DPP6: variants seen among roughly 807,000 people sequenced by gnomAD.
The protein encoded by DPP6 is A-type potassium channel modulatory protein DPP6.
Under a neutral mutation model 122.6 loss-of-function variants are expected in DPP6, and 69 were observed. The observed-to-expected ratio is 0.56, with a 90% CI of 0.46 to 0.69. The LOEUF (loss-of-function observed/expected upper bound fraction) is 0.69. Ranked by LOEUF, DPP6 falls within the 30% of genes least tolerant of loss-of-function variation. The pLI is 0.00. For missense variants in DPP6, 928 were observed against 1,116.9 expected (o/e 0.83, Z 2.41); for synonymous variants, 418 against 433.1 (o/e 0.97, Z 0.43).
At chr7:154,516,544 A>G (rs985255540) in intron 3 of DPP6, among the ~76,000 whole-genome samples, 6 of 152,218 alleles carry the variant, frequency 3.9e-5, no homozygotes, top group Admixed American at 3.3e-4. Flanking sequence ...ACGAAAGAGG[A>G]AAACAACCAG....
intron 16 of DPP6, among the ~76,000 whole-genome samples, chr7:154,846,303 C>T (rs1329275889): frequency 6.6e-6 from 1 of 151,958 alleles, no homozygotes; most frequent in Non-Finnish European, 1.5e-5. Context: ...TTTTCTCCCC[C>T]TTCATCGTGC....
At chr7:154,043,291 T>C (rs1336232411) in intron 1 of DPP6, among the ~76,000 whole-genome samples, 1 of 149,350 alleles carries the variant, frequency 6.7e-6, no homozygotes, top group African/African-American at 2.5e-5. Flanking sequence ...TACTTGGGAG[T>C]CTGAGGCAGG....
chr7:153,884,088 G>A (rs1798829346), upstream of DPP6, among the ~76,000 whole-genome samples: 1 of 152,080 alleles, frequency 6.6e-6, no homozygotes. Flanking sequence ...GTACACATGT[G>A]CCATGTTGGT....
chr7:154,006,099 G>A (rs1368772333), intron 1 of DPP6, among the ~76,000 whole-genome samples: 5 of 152,172 alleles, frequency 3.3e-5, no homozygotes, highest in African/African-American at 1.2e-4. Context: ...CTTACTGATA[G>A]GTTAGTGCCA....
intron 1 of DPP6, among the ~76,000 whole-genome samples, chr7:154,171,045 C>G (rs1253275497): frequency 6.6e-6 from 1 of 152,176 alleles, no homozygotes; most frequent in Non-Finnish European, 1.5e-5. Context: ...AAAACCCAGT[C>G]AGCTTGTTTT....
rs1004437095 is a variant in DPP6, at chr7:154,180,467, T to C, written c.243+127404T>C. Among the ~76,000 whole-genome samples the C allele has an allele frequency of 3.4e-5, 5 of 145,062 alleles. No homozygotes were observed. In the East Asian group the frequency reaches 9.8e-4, roughly 28 times the overall value. ...CATTTATATATTATATATAGATATA[T>C]ATTTATATAATGTTATATAAATAGA... On this transcript the variant is annotated intron_variant, in intron 1 of 25. Transcript: ENST00000377770.
intron 1 of DPP6, among the ~76,000 whole-genome samples, chr7:153,929,187 A>G (rs1321379322): frequency 6.6e-6 from 1 of 152,148 alleles, no homozygotes; most frequent in Admixed American, 6.5e-5. Context: ...ACCCTTCAGG[A>G]GGCTGTTTCT....
intron 1 of DPP6, among the ~76,000 whole-genome samples, chr7:154,181,470 A>G (rs1367520127): frequency 6.6e-6 from 1 of 152,158 alleles, no homozygotes; most frequent in Non-Finnish European, 1.5e-5. Context: ...ATGCCTCTGT[A>G]GAGAGAGCCA....
chr7:154,125,339 A>G (rs996902102), intron 1 of DPP6, among the ~76,000 whole-genome samples: 2 of 152,218 alleles, frequency 1.3e-5, no homozygotes, highest in African/African-American at 2.4e-5. Flanking sequence ...TACCGCCTAC[A>G]TTTCTGAAAA....
chr7:153,955,926 G>A (rs1466497304), intron 1 of DPP6, among the ~76,000 whole-genome samples: 1 of 152,144 alleles, frequency 6.6e-6, no homozygotes, highest in Non-Finnish European at 1.5e-5. Context: ...GAAGGAGGAA[G>A]TAGTGATTGT....
chr7:154,685,059 G>A (rs897055193), intron 7 of DPP6, among the ~76,000 whole-genome samples: 1 of 152,158 alleles, frequency 6.6e-6, no homozygotes, highest in African/African-American at 2.4e-5. Flanking sequence ...AACTATAATA[G>A]AACATCTCAT....
upstream of DPP6, among the ~76,000 whole-genome samples, chr7:154,051,534 C>T (rs1800317569): frequency 7.1e-6 from 1 of 140,092 alleles, no homozygotes; most frequent in Non-Finnish European, 1.5e-5. Flanking sequence ...CGCTGGAGCG[C>T]GCCTTCCTGC....
intron 3 of DPP6, among the ~76,000 whole-genome samples, chr7:154,517,698 T>G (rs1009249089): frequency 1.3e-5 from 2 of 152,066 alleles, no homozygotes; most frequent in African/African-American, 4.8e-5. Flanking sequence ...GAAAGAAATA[T>G]GTTGCCTTTT....
the DPP6 span, among the ~76,000 whole-genome samples, chr7:153,825,612 T>TGCAGAG: frequency 6.6e-6 from 1 of 152,216 alleles, no homozygotes. Flanking sequence ...CAAGCTGAAG[T>TGCAGAG]GCAGAGGCAT....
At chr7:154,599,686 A>T (rs930336893) in intron 5 of DPP6, among the ~76,000 whole-genome samples, 5 of 150,882 alleles carry the variant, frequency 3.3e-5, no homozygotes, top group Non-Finnish European at 7.4e-5. Flanking sequence ...CCACCCCATG[A>T]CAGGCCCTGG....
intron 1 of DPP6, among the ~76,000 whole-genome samples, chr7:153,900,324 G>A (rs1256678558): frequency 6.6e-6 from 1 of 150,912 alleles, no homozygotes; most frequent in East Asian, 1.9e-4. Context: ...TTGTAGCAAT[G>A]CCCCATTCCT....
chr7:154,062,851 A>C (rs1468078913), intron 1 of DPP6, among the ~76,000 whole-genome samples: 3 of 122,850 alleles, frequency 2.4e-5, no homozygotes, highest in East Asian at 5.0e-4. Flanking sequence ...TGCGAGCCAG[A>C]CCCTCTTCCT....
chr7:153,848,016 A>G, the DPP6 span, among the ~76,000 whole-genome samples: 3 of 152,152 alleles, frequency 2.0e-5, no homozygotes, highest in South Asian at 6.2e-4. Flanking sequence ...TGCCAGGCCC[A>G]ACCCGCAGAC....
intron 1 of DPP6, among the ~76,000 whole-genome samples, chr7:154,231,068 T>C (rs1226447587): frequency 1.3e-5 from 2 of 152,248 alleles, no homozygotes; most frequent in African/African-American, 4.8e-5. Context: ...TGACTGATTC[T>C]TCTTGCATAT....
Sources: allele counts gnomAD v4.1 joint callset (sites outside exome capture counted in the v4.1 genomes callset), GRCh38; gene constraint gnomAD v4.1.1; transcripts MANE v1.5; gene names NCBI Gene and HGNC (gene_info 2026-07-23, HGNC 2026-07-21).